Variants in DNAJC24 observed in about 807,000 individuals in gnomAD.
DNAJC24 encodes the protein DnaJ heat shock protein family (Hsp40) member C24.
In DNAJC24, 17 loss-of-function variants were observed where a neutral mutation model predicts 18.0. The observed-to-expected ratio is 0.94, with a 90% CI of 0.65 to 1.42. The LOEUF is 1.42. Ranked by LOEUF, DNAJC24 falls within the 40% of genes most tolerant of loss-of-function variation. DNAJC24 has a pLI of 0.00. For synonymous variants in DNAJC24, 55 were observed against 57.7 expected, an observed-to-expected ratio of 0.95 and a Z score of 0.21; for missense variants, 158 against 175.6, an observed-to-expected ratio of 0.90 and a Z score of 0.57.
rs543217679 is a variant in DNAJC24 at position 31,425,736 on chromosome 11, G to T, written c.251-551G>T. On this transcript the variant is annotated intron_variant, in intron 3 of 4. Transcript: ENST00000465995. ...CAAGAACAGTCAAATTATGGGTTAG[G>T]GCTTCAACATATTAATTTGAGGGGG... Among the ~76,000 whole-genome samples, 7 of 152,192 alleles carry T rather than the reference G, an allele frequency of 4.6e-5. No individual in the cohort carries two copies. The South Asian group carries it at 1.5e-3, about 32-fold the overall frequency.
chr11:31,395,000 A>G (rs996785128), intron 2 of DNAJC24, among the ~76,000 whole-genome samples: 2 of 152,178 alleles, frequency 1.3e-5, no homozygotes, highest in Admixed American at 6.5e-5. Flanking sequence ...AGTACCCCCA[A>G]TTGGTAATTT....
chr11:31,403,375 G>A (rs1408911133), intron 2 of DNAJC24, among the ~76,000 whole-genome samples: 1 of 152,130 alleles, frequency 6.6e-6, no homozygotes, highest in Non-Finnish European at 1.5e-5. Flanking sequence ...ATATATAAGG[G>A]TTTTTAAAGG....
chr11:31,385,109 A>C, intron 2 of DNAJC24: 1 of 152,222 alleles, frequency 6.6e-6, no homozygotes, highest in Non-Finnish European at 1.5e-5. Flanking sequence ...AAAAAGTTTT[A>C]AACATTTATC....
chr11:31,409,392 C>G (rs965233457), intron 2 of DNAJC24, among the ~76,000 whole-genome samples: 1 of 152,204 alleles, frequency 6.6e-6, no homozygotes, highest in Non-Finnish European at 1.5e-5. Context: ...TCATGCCCCT[C>G]TTTCTTAATT....
At chr11:31,391,346 T>C (rs543699478) in intron 2 of DNAJC24, among the ~76,000 whole-genome samples, 236 of 152,298 alleles carry the variant, frequency 1.5e-3, no homozygotes, top group African/African-American at 4.5e-3. Context: ...CTGGAAGTCC[T>C]AGTTAGAGCA....
At position 31,419,113 on chromosome 11, in the gene DNAJC24, G is replaced by A. The variant is rs564247252; in HGVS notation, c.250+4164G>A. Among the ~76,000 whole-genome samples the A allele has an allele frequency of 3.9e-5, 6 of 152,200 alleles. No individual in the cohort carries two copies. In the South Asian group the frequency reaches 1.2e-3, roughly 32 times the overall value. On this transcript the variant is annotated intron_variant, in intron 3 of 4. Transcript: ENST00000465995. ...AATAACTTAAGGCCAGTAGATATTT[G>A]TGTAATTATGTCCTAAAGCTGACCC...
In DNAJC24 at chr11:31,375,302, T is replaced by C. The variant is rs1287207314; in HGVS notation, c.111+4443T>C. The stretch of plus-strand genomic sequence containing the variant: ...GCCCATCCACTACCTCACCTGATTC[T>C]CACTCACTGTTTCAAAATGATCTTA... On this transcript the variant is annotated intron_variant, in intron 2 of 4. Transcript: ENST00000465995. Among the ~76,000 whole-genome samples the C allele has an allele frequency of 2.2e-5, 3 of 135,524 alleles. 1 individual carries two copies. The highest frequency in any genetic ancestry group is 3.4e-5 in the Non-Finnish European group (2 of 58,670). 88.9% of individuals were successfully genotyped at this position (135,524 alleles called of 152,430 possible). A position where few individuals can be genotyped will look rare whatever the true frequency, so the allele number is the denominator to read the frequency against.
At position 31,373,681 on chromosome 11, in the gene DNAJC24, A is replaced by G. The variant is rs958341791; in HGVS notation, c.111+2822A>G. The stretch of plus-strand genomic sequence containing the variant: ...ACTGGGATTGCAATAATAGGTATCC[A>G]CTTTGGTAGAATGGCATCTTAATAA... On this transcript the variant is annotated intron_variant, in intron 2 of 4. Coordinates refer to ENST00000465995, the MANE Select transcript of DNAJC24 (RefSeq NM_181706.5). Among the ~76,000 whole-genome samples the G allele has an allele frequency of 9.6e-5, 13 of 135,008 alleles. 2 individuals carry two copies. Among genetic ancestry groups the G allele is most frequent in the African/African-American group, 3.2e-4 (13 of 40,348 alleles). The allele number at this position is 135,008 out of a possible 152,430, so 88.6% of individuals were successfully genotyped here.
intron 2 of DNAJC24, among the ~76,000 whole-genome samples, chr11:31,399,383 T>C (rs1302593919): frequency 6.6e-6 from 1 of 152,110 alleles, no homozygotes; most frequent in Non-Finnish European, 1.5e-5. Flanking sequence ...TTTTTGTGAA[T>C]TCTGTTTCTG....
intron 4 of DNAJC24, chr11:31,429,392 GAA>G: frequency 3.3e-6 from 1 of 300,162 alleles, no homozygotes; most frequent in Non-Finnish European, 7.4e-6. Context: ...ATATTTGTAT[GAA>G]ATCATGAGTC....
At chr11:31,399,406 T>C (rs1352407663) in intron 2 of DNAJC24, among the ~76,000 whole-genome samples, 2 of 151,888 alleles carry the variant, frequency 1.3e-5, no homozygotes, top group African/African-American at 4.8e-5. Context: ...GATCTATCTC[T>C]TAATTCTCTT....
chr11:31,428,683 C>G (rs1348365815), intron 4 of DNAJC24, among the ~76,000 whole-genome samples: 3 of 152,110 alleles, frequency 2.0e-5, no homozygotes, highest in Non-Finnish European at 2.9e-5. Flanking sequence ...GTGAGTTGTT[C>G]AGATATTGAA....
At chr11:31,406,122 T>C (rs1952656109) in intron 2 of DNAJC24, among the ~76,000 whole-genome samples, 1 of 152,202 alleles carries the variant, frequency 6.6e-6, no homozygotes, top group Non-Finnish European at 1.5e-5. Context: ...AAATGTATTC[T>C]TTTGAATGCA....
chr11:31,419,867 C>A (rs1952786614), intron 3 of DNAJC24, among the ~76,000 whole-genome samples: 1 of 152,004 alleles, frequency 6.6e-6, no homozygotes, highest in African/African-American at 2.4e-5. Context: ...TGTTGTTTCC[C>A]CTGTGTGAGC....
At chr11:31,416,355 T>C (rs1194345607) in intron 3 of DNAJC24, 1 of 152,224 alleles carries the variant, frequency 6.6e-6, no homozygotes, top group East Asian at 1.9e-4. Context: ...CGTTGGTGTA[T>C]CTTTTTAACC....
At chr11:31,409,955 G>A (rs1391644659) in intron 2 of DNAJC24, among the ~76,000 whole-genome samples, 2 of 148,260 alleles carry the variant, frequency 1.3e-5, no homozygotes, top group African/African-American at 5.0e-5. Context: ...CATCATCTCC[G>A]CTCACTGCAA....
chr11:31,392,338 C>T (rs77285542), intron 2 of DNAJC24, among the ~76,000 whole-genome samples: 2,837 of 151,972 alleles, frequency 0.019, 78 homozygotes, highest in African/African-American at 0.064. Context: ...TGTTGTGTGC[C>T]GGTATCACAA....
At chr11:31,377,903 G>A (rs1253823741) in intron 2 of DNAJC24, among the ~76,000 whole-genome samples, 1 of 152,100 alleles carries the variant, frequency 6.6e-6, no homozygotes, top group African/African-American at 2.4e-5. Context: ...GGATGGTCTT[G>A]TTGTTAATGT....
At position 31,370,787 on chromosome 11, in the gene DNAJC24, C is replaced by A. The variant is rs750408613; in HGVS notation, c.39C>A (p.Tyr13Ter). 1 of 1,613,148 alleles carries A rather than the reference C, an allele frequency of 6.2e-7. No homozygotes were observed. The highest frequency in any genetic ancestry group is 1.7e-5 in the Admixed American group (1 of 59,874). ...AVEQMPKKDW[Y>*]SILGADPSAN... ...AGCAGATGCCAAAAAAGGATTGGTA[C>A]AGCATCCTGGGAGCAGACCCATCTG... Residue 13 changes from tyrosine to a stop codon, truncating the protein, a stop_gained, in exon 2 of 5, where the codon TAC (tyrosine) becomes TAA (stop). Coordinates refer to ENST00000465995, the MANE Select transcript of DNAJC24 (RefSeq NM_181706.5). LOFTEE classifies it high-confidence loss of function.
Sources: gnomAD v4.1 joint callset for allele counts (sites outside exome capture counted in the v4.1 genomes callset) on GRCh38, gnomAD v4.1.1 for gene constraint, MANE v1.5 for transcripts, NCBI Gene and HGNC (gene_info 2026-07-23, HGNC 2026-07-21) for gene names.